WDR31: variants seen among roughly 807,000 people sequenced by gnomAD.
WDR31 encodes WD repeat-containing protein 31.
A neutral mutation model predicts 47.3 loss-of-function variants in WDR31; 30 were observed. That is an observed-to-expected ratio of 0.63 (90% confidence interval 0.47 to 0.86). The LOEUF (loss-of-function observed/expected upper bound fraction) is 0.86. Ranked by LOEUF, WDR31 falls within the 40% of genes least tolerant of loss-of-function variation. The pLI is 0.00. For synonymous variants in WDR31, 137 were observed against 159.4 expected, an observed-to-expected ratio of 0.86 and a Z score of 1.06; for missense variants, 406 against 442.9, an observed-to-expected ratio of 0.92 and a Z score of 0.75.
rs201637917 is a variant in WDR31 at position 113,316,475 on chromosome 9, T to C, written c.*274A>G. 3.1e-6 allele frequency: 1 copy of C among 326,358 alleles called. No individual in the cohort carries two copies. Among genetic ancestry groups the C allele is most frequent in the Admixed American group, 4.4e-5 (1 of 22,982 alleles). The allele number at this position is 326,358 out of a possible 1,614,324, so 20.2% of individuals were successfully genotyped here. ...CATCATTCTGAGCAATACACTTTTT[T>C]TGAAGAGTAGTCCTAAAAGCTCACT... On this transcript the variant is annotated 3_prime_UTR_variant, in exon 11 of 11. Transcript: ENST00000374193.
In WDR31 at chr9:113,320,444, G is replaced by A. The variant is rs1342205538; in HGVS notation, c.693C>T (p.His231=). The A allele has an allele frequency of 1.2e-6, 2 of 1,614,118 alleles. No homozygotes were observed. The highest frequency in any genetic ancestry group is 1.7e-5 in the Admixed American group (1 of 60,012). Residue 231 remains histidine (H), a synonymous_variant, in exon 9 of 11, where the codon CAC becomes CAT. Transcript: ENST00000374193. ...QVAHMFPAKQ[H]IQTYCEVSVD... is the part of the protein sequence containing the mutation. The stretch of plus-strand genomic sequence containing the variant: ...CACTGACTTCACAGTAGGTCTGAAT[G>A]TGCTGCTTTGCAGGAAACATATGAG...
At chr9:113,334,045 A>G (rs1185886818) in intron 2 of WDR31, among the ~76,000 whole-genome samples, 5 of 148,662 alleles carry the variant, frequency 3.4e-5, no homozygotes, top group East Asian at 4.0e-4. Flanking sequence ...GTCTCACTCT[A>G]TCACCCAGGC....
At chr9:113,336,782 G>A (rs558865472) in intron 1 of WDR31, among the ~76,000 whole-genome samples, 2 of 152,260 alleles carry the variant, frequency 1.3e-5, no homozygotes, top group African/African-American at 4.8e-5. Context: ...AGATGGGAGA[G>A]CTTTTCAAAA....
chr9:113,320,149 G>A (rs546916899), intron 9 of WDR31, among the ~76,000 whole-genome samples: 19 of 152,108 alleles, frequency 1.2e-4, no homozygotes, highest in African/African-American at 4.3e-4. Flanking sequence ...CAAACTCCTG[G>A]GCTCAATTAA....
At position 113,323,062 on chromosome 9, in the gene WDR31, G is replaced by A. The variant is rs1322607967; in HGVS notation, c.418C>T (p.Gln140Ter). The change falls in exon 6 of 11, where the codon CAG (glutamine) becomes TAG (stop). Residue 140 changes from glutamine to a stop codon, truncating the protein, a stop_gained. Coordinates refer to ENST00000374193, the MANE Select transcript of WDR31 (RefSeq NM_001012361.4). LOFTEE classifies it high-confidence loss of function. ...WDLHGSSQPR[Q>*]QLCGHAMVVT... Reference sequence around the variant, plus strand: ...ACCATGGCATGGCCACACAATTGCTGCCTTGGTTGTGAGGAACCGTGCAAG... The same window carrying A: ...ACCATGGCATGGCCACACAATTGCTACCTTGGTTGTGAGGAACCGTGCAAG... The A allele has an allele frequency of 6.2e-7, 1 of 1,614,090 alleles. No homozygotes were observed. Among genetic ancestry groups the A allele is most frequent in the African/African-American group, 1.3e-5 (1 of 74,936 alleles).
intron 10 of WDR31, among the ~76,000 whole-genome samples, chr9:113,317,523 C>T (rs1833232170): frequency 6.6e-6 from 1 of 152,222 alleles, no homozygotes; most frequent in Admixed American, 6.5e-5. Context: ...AACAGTTACA[C>T]CTGAGTGGCT....
At chr9:113,318,689 A>G in intron 9 of WDR31, 52 bp from the exon 10 acceptor site, 2 of 1,592,118 alleles carry the variant, frequency 1.3e-6, no homozygotes, top group Non-Finnish European at 1.7e-6. Context: ...AGCTTCATCC[A>G]TGAATATCTA....
At chr9:113,339,527 C>T (rs919259900) in intron 1 of WDR31, among the ~76,000 whole-genome samples, 1 of 152,086 alleles carries the variant, frequency 6.6e-6, no homozygotes. Context: ...CTGGTTCGAC[C>T]CTCTAATGGT....
chr9:113,333,236 T>C (rs1237981568), intron 2 of WDR31, among the ~76,000 whole-genome samples: 1 of 148,160 alleles, frequency 6.7e-6, no homozygotes, highest in Non-Finnish European at 1.5e-5. Flanking sequence ...TTTTATGTTA[T>C]GTGCACTCTG....
chr9:113,338,321 T>A (rs1477144807), intron 1 of WDR31, among the ~76,000 whole-genome samples: 1 of 152,164 alleles, frequency 6.6e-6, no homozygotes, highest in Admixed American at 6.5e-5. Context: ...AGCTAAGAAT[T>A]CATTATGTTA....
At chr9:113,327,896 G>A (rs1275588260) in intron 5 of WDR31, among the ~76,000 whole-genome samples, 1 of 152,162 alleles carries the variant, frequency 6.6e-6, no homozygotes, top group Non-Finnish European at 1.5e-5. Flanking sequence ...AGGTTGCAGT[G>A]AGCTTTGATC....
chr9:113,333,715 C>T (rs12347798), intron 2 of WDR31, among the ~76,000 whole-genome samples: 3,337 of 151,872 alleles, frequency 0.022, 130 homozygotes, highest in African/African-American at 0.076. Flanking sequence ...CACTATGGCA[C>T]CTCTCAGTGT....
Position 113,322,841 on chromosome 9 carries a change from ACT to A in WDR31, c.538_539del (p.Ser180CysfsTer28), listed in dbSNP as rs1355646100. The A allele has an allele frequency of 1.2e-6, 2 of 1,613,610 alleles. No homozygotes were observed. Among genetic ancestry groups the A allele is most frequent in the East Asian group, 2.2e-5 (1 of 44,860 alleles). On this transcript the variant is annotated frameshift_variant, in exon 7 of 11. Transcript: ENST00000374193. LOFTEE classifies it high-confidence loss of function. ...TCCTGGAGACAGATGCTCTTTCCAC[ACT>A]CTGTCCTGTCACCACATCCCACAGA... ...LLLWDVVTGQSVERASVSRNV... is the reference protein window; with the variant it reads ...LLLWDVVTGQXVERASVSRNV...
chr9:113,339,336 G>T (rs1320305093), intron 1 of WDR31, among the ~76,000 whole-genome samples: 1 of 152,190 alleles, frequency 6.6e-6, no homozygotes. Context: ...GCAGAGCCGG[G>T]TGGACTGGAC....
chr9:113,323,162 A>G lies in WDR31; in HGVS notation c.325-7T>C. ...ATTTGGGAATACAGGCTACCTGCTC[A>G]GGGAAAAAACAACAACACTGAAATA... On this transcript the variant is annotated splice_region_variant and splice_polypyrimidine_tract_variant and intron_variant, in intron 5 of 10. Transcript: ENST00000374193. The G allele has an allele frequency of 6.2e-7, 1 of 1,610,984 alleles. No individual in the cohort carries two copies. The highest frequency in any genetic ancestry group is 8.5e-7 in the Non-Finnish European group (1 of 1,178,722).
chr9:113,318,524 A>G lies in WDR31; in HGVS notation c.894T>C (p.Ala298=), dbSNP rs756127500. The change falls in exon 10 of 11, where the codon GCT becomes GCC. Residue 298 remains alanine (A), a synonymous_variant. Transcript: ENST00000374193. ...TCACCTTGCAATCATGTGATGAGGTAGCAATTAAAGGCATCAAGGCCAATG... is the reference window on the plus strand; with the variant it reads ...TCACCTTGCAATCATGTGATGAGGTGGCAATTAAAGGCATCAAGGCCAATG... ...PRALALMPLI[A]TSSHDCKVKI... is the part of the protein sequence containing the mutation. The G allele has an allele frequency of 2.5e-6, 4 of 1,614,142 alleles. No homozygotes were observed. The highest frequency in any genetic ancestry group is 3.4e-6 in the Non-Finnish European group (4 of 1,180,058).
rs1588036087 is a variant in WDR31, at chr9:113,315,313, C to T, written c.*1436G>A. On this transcript the variant is annotated 3_prime_UTR_variant, in exon 11 of 11. Transcript: ENST00000374193. Reference sequence around the variant, plus strand: ...GATTGAGGCTGCAGTTAGCCATGATCACACCAAGAGAGGGAAGAAGGAAGG... The same window carrying T: ...GATTGAGGCTGCAGTTAGCCATGATTACACCAAGAGAGGGAAGAAGGAAGG... The T allele has an allele frequency of 2.0e-5, 3 of 152,044 alleles. No individual in the cohort carries two copies. The highest frequency in any genetic ancestry group is 2.0e-4 in the Admixed American group (3 of 15,254). 9.4% of individuals were successfully genotyped at this position (152,044 alleles called of 1,614,324 possible). A position where few individuals can be genotyped will look rare whatever the true frequency, so the allele number is the denominator to read the frequency against.
At position 113,316,873 on chromosome 9, in the gene WDR31, G is replaced by A. The variant is rs1227152113; in HGVS notation, c.980C>T (p.Pro327Leu). 1.2e-6 allele frequency: 2 copies of A among 1,614,172 alleles called. No individual in the cohort carries two copies. The highest frequency in any genetic ancestry group is 1.1e-5 in the South Asian group (1 of 91,072). The change falls in exon 11 of 11, where the codon CCC becomes CTC. Residue 327 changes from proline (P) to leucine (L), a missense_variant. By Grantham distance (98) the Pro-to-Leu change is moderately conservative. Coordinates refer to ENST00000374193, the MANE Select transcript of WDR31 (RefSeq NM_001012361.4). ...GTCACCAACAGCCAGAGAAGTCAAG[G>A]GTCCTGATCCATCCAGAGACAAGGT... ...LFTLSLDGSG[P>L]LTSLAVGDAI...
chr9:113,327,084 C>T (rs1226188767), intron 5 of WDR31, among the ~76,000 whole-genome samples: 1 of 152,182 alleles, frequency 6.6e-6, no homozygotes, highest in East Asian at 1.9e-4. Context: ...AATCCTCCTG[C>T]CTTGCCTTGC....
Sources: allele counts gnomAD v4.1 joint callset (sites outside exome capture counted in the v4.1 genomes callset), GRCh38; gene constraint gnomAD v4.1.1; transcripts MANE v1.5; gene names NCBI Gene and HGNC (gene_info 2026-07-23, HGNC 2026-07-21).